TG: variants seen among roughly 807,000 people sequenced by gnomAD.
The protein encoded by TG is thyroglobulin.
TG carries 270 observed loss-of-function variants against 324.7 expected under a neutral mutation model. That is an observed-to-expected ratio of 0.83 (90% CI 0.75 to 0.92). The LOEUF is 0.92. TG is among the 40% of genes least tolerant of loss of function. TG has a pLI of 0.00. For missense variants in TG, 3,591 were observed against 3,456.4 expected (o/e 1.04, Z -0.98); for synonymous variants, 1,401 against 1,327.0 (o/e 1.06, Z -1.21).
chr8:132,984,046 G>A (rs143486589), intron 35 of TG, among the ~76,000 whole-genome samples: 1 of 152,356 alleles, frequency 6.6e-6, no homozygotes, highest in Non-Finnish European at 1.5e-5. Context: ...TGGGGGTGAG[G>A]TGGAGGGGTC....
In TG at chr8:133,119,366, A is replaced by C. The variant is rs139754290; in HGVS notation, c.7862+2650A>C. On this transcript the variant is annotated intron_variant, in intron 45 of 47. Coordinates refer to ENST00000220616, the MANE Select transcript of TG (RefSeq NM_003235.5). ...GTTTTACAGATATGAAGTGTGTCTC[A>C]GTCTATTCAGCCTGCCATAGTAAAT... Among the ~76,000 whole-genome samples the C allele has an allele frequency of 3.8e-4, 58 of 152,338 alleles. No homozygotes were observed. The East Asian group carries it at 0.011, about 28-fold the overall frequency.
intron 18 of TG, among the ~76,000 whole-genome samples, chr8:132,909,375 CAT>C (rs1328995457): frequency 6.6e-6 from 1 of 152,136 alleles, no homozygotes; most frequent in African/African-American, 2.4e-5. Context: ...TGGCTGAAGA[CAT>C]GTGTTTCAAA....
chr8:133,106,958 T>A (rs1472513547), intron 43 of TG, among the ~76,000 whole-genome samples: 2 of 152,220 alleles, frequency 1.3e-5, no homozygotes, highest in African/African-American at 4.8e-5. Flanking sequence ...TGTGTTCTCA[T>A]CGTGTCTCTC....
chr8:132,986,117 A>T (rs935332356), intron 35 of TG, among the ~76,000 whole-genome samples: 1 of 152,130 alleles, frequency 6.6e-6, no homozygotes, highest in Non-Finnish European at 1.5e-5. Flanking sequence ...AATATTTGTT[A>T]GCTATAGAAA....
intron 46 of TG, 101 bp from the exon 47 acceptor site, chr8:133,133,369 G>C: frequency 8.2e-7 from 1 of 1,215,782 alleles, no homozygotes; most frequent in Non-Finnish European, 1.2e-6. Flanking sequence ...ACAGATACAT[G>C]AATTGTCCCT....
At chr8:132,978,221 A>G (rs1438152749) in intron 34 of TG, among the ~76,000 whole-genome samples, 1 of 152,226 alleles carries the variant, frequency 6.6e-6, no homozygotes, top group Admixed American at 6.5e-5. Context: ...GATGACAGTG[A>G]GAGAAAGAGA....
intron 41 of TG, among the ~76,000 whole-genome samples, chr8:133,079,762 G>C (rs570885606): frequency 6.6e-6 from 1 of 152,232 alleles, no homozygotes; most frequent in Non-Finnish European, 1.5e-5. Context: ...GCTTTCTATC[G>C]ATGGAGAAAA....
At chr8:133,011,004 A>G (rs12543039) in intron 35 of TG, among the ~76,000 whole-genome samples, 7 of 152,200 alleles carry the variant, frequency 4.6e-5, no homozygotes, top group Admixed American at 3.3e-4. Context: ...TTTTCTTCAT[A>G]TATAAAGGAA....
At chr8:132,901,700 C>G (rs1053982626) in intron 16 of TG, 147 bp downstream of exon 16, 1 of 857,166 alleles carries the variant, frequency 1.2e-6, no homozygotes, top group Admixed American at 2.9e-5. Flanking sequence ...TGAGTCCCTT[C>G]GTGTGAAAAC....
Position 133,065,140 on chromosome 8 carries a change from T to C in TG, c.7240-29904T>C, listed in dbSNP as rs1341124827. ...AGTGGAGAAGCCTCAATGTCCACCA[T>C]ATATGTGAATGCCAACAACAACGGT... On this transcript the variant is annotated intron_variant, in intron 41 of 47. Coordinates refer to ENST00000220616, the MANE Select transcript of TG (RefSeq NM_003235.5). 2.6e-5 allele frequency among the ~76,000 whole-genome samples: 4 copies of C among 152,166 alleles called. No individual in the cohort carries two copies. In the East Asian group the frequency reaches 7.7e-4, roughly 29 times the overall value.
intron 45 of TG, among the ~76,000 whole-genome samples, chr8:133,130,938 G>A (rs371724601): frequency 1.3e-5 from 2 of 152,154 alleles, no homozygotes; most frequent in African/African-American, 2.4e-5. Flanking sequence ...GAGGAGGGGG[G>A]CCCCTATTAA....
Position 133,031,738 on chromosome 8 carries a change from G to A in TG, c.7239+1715G>A, listed in dbSNP as rs1039829529. Among the ~76,000 whole-genome samples, 9 of 152,140 alleles carry A rather than the reference G, an allele frequency of 5.9e-5. No individual in the cohort carries two copies. In the South Asian group the frequency reaches 8.3e-4, roughly 14 times the overall value. On this transcript the variant is annotated intron_variant, in intron 41 of 47. Coordinates refer to ENST00000220616, the MANE Select transcript of TG (RefSeq NM_003235.5). ...AACAGAAAGCCGTGTCACCTGCCACGCATCTCTCTCCATCAGCCACAGGAG... is the reference window on the plus strand; with the variant it reads ...AACAGAAAGCCGTGTCACCTGCCACACATCTCTCTCCATCAGCCACAGGAG...
chr8:132,869,720 C>T lies in TG; in HGVS notation c.177-9C>T. On this transcript the variant is annotated splice_polypyrimidine_tract_variant and intron_variant, in intron 2 of 47. Coordinates refer to ENST00000220616, the MANE Select transcript of TG (RefSeq NM_003235.5). Reference sequence around the variant, plus strand: ...TCCCAGGGTCACCTGGTCTGTGTCTCCTCCTCAGGACTGTCCAGTGCCAGA... The same window carrying T: ...TCCCAGGGTCACCTGGTCTGTGTCTTCTCCTCAGGACTGTCCAGTGCCAGA... 6.2e-7 allele frequency: 1 copy of T among 1,613,948 alleles called. No homozygotes were observed. Among genetic ancestry groups the T allele is most frequent in the Non-Finnish European group, 8.5e-7 (1 of 1,179,812 alleles).
intron 21 of TG, among the ~76,000 whole-genome samples, chr8:132,920,103 A>G (rs191495159): frequency 2.4e-4 from 37 of 152,332 alleles, no homozygotes; most frequent in African/African-American, 8.4e-4. Flanking sequence ...TTTTCCACCT[A>G]TAGTCATTAC....
At chr8:133,102,389 G>T in intron 43 of TG, 1 of 598,560 alleles carries the variant, frequency 1.7e-6, no homozygotes, top group Non-Finnish European at 3.0e-6. Flanking sequence ...CTGCCCCCTG[G>T]AGCTACTCAC....
At chr8:132,898,363 C>T (rs1057227890) in intron 13 of TG, 117 bp downstream of exon 13, 21 of 1,013,078 alleles carry the variant, frequency 2.1e-5, no homozygotes, top group Admixed American at 8.0e-5. Context: ...AGCCAGGTCC[C>T]GGGTGCAGCC....
chr8:133,116,791 A>G (rs1850731283), intron 45 of TG, 75 bp downstream of exon 45: 1 of 1,194,796 alleles, frequency 8.4e-7, no homozygotes, highest in African/African-American at 1.5e-5. Flanking sequence ...CATGGGACAC[A>G]CCACTTAACC....
intron 10 of TG, among the ~76,000 whole-genome samples, chr8:132,892,199 C>A (rs1816325341): frequency 6.6e-6 from 1 of 152,206 alleles, no homozygotes; most frequent in Admixed American, 6.5e-5. Flanking sequence ...ACAGTGCCTC[C>A]CTTCAACTTT....
chr8:133,075,619 C>T (rs780582315), intron 41 of TG, among the ~76,000 whole-genome samples: 10 of 152,158 alleles, frequency 6.6e-5, no homozygotes, highest in Non-Finnish European at 1.2e-4. Flanking sequence ...GAGGATGTCT[C>T]GTATCATGAC....
Sources: gnomAD v4.1 joint callset for allele counts (sites outside exome capture counted in the v4.1 genomes callset) on GRCh38, gnomAD v4.1.1 for gene constraint, MANE v1.5 for transcripts, NCBI Gene and HGNC (gene_info 2026-07-23, HGNC 2026-07-21) for gene names.